ACACB: variants seen among roughly 807,000 people sequenced by gnomAD.
ACACB encodes the protein acetyl-CoA carboxylase beta.
ACACB carries 209 observed loss-of-function variants against 278.8 expected under a neutral mutation model. That is an observed-to-expected ratio of 0.75 (90% confidence interval 0.67 to 0.84). The LOEUF (loss-of-function observed/expected upper bound fraction) is 0.84, where lower values mean the gene tolerates loss of function less well. Among genes scored for constraint, ACACB ranks in the 40% least tolerant of loss-of-function variants. ACACB has a pLI of 0.00. For missense variants in ACACB, 2,850 were observed against 3,269.0 expected, an observed-to-expected ratio of 0.87 and a Z score of 3.13; for synonymous variants, 1,174 against 1,285.6, an observed-to-expected ratio of 0.91 and a Z score of 1.86.
chr12:109,262,984 T>TATATATA (rs1593741001), intron 49 of ACACB: 21 of 32,130 alleles, frequency 6.5e-4, no homozygotes, highest in African/African-American at 1.1e-3. Flanking sequence ...ATATATATAT[T>TATATATA]GCCATCGTGA....
chr12:109,203,331 A>T (rs993650189), intron 19 of ACACB, among the ~76,000 whole-genome samples: 1 of 152,060 alleles, frequency 6.6e-6, no homozygotes, highest in African/African-American at 2.4e-5. Context: ...TGAGTGTACG[A>T]TTTTCTTAGT....
chr12:109,177,736 G>T (rs1326481065), intron 9 of ACACB, among the ~76,000 whole-genome samples: 1 of 152,168 alleles, frequency 6.6e-6, no homozygotes, highest in Non-Finnish European at 1.5e-5. Flanking sequence ...AGACTAGATT[G>T]AATTTCATCT....
chr12:109,247,196 T>C (rs1469082706), intron 39 of ACACB, among the ~76,000 whole-genome samples: 3 of 151,438 alleles, frequency 2.0e-5, no homozygotes, highest in Admixed American at 1.3e-4. Flanking sequence ...GGGACAGTCA[T>C]CCTTTCCATT....
chr12:109,236,744 AT>A (rs58888610), intron 33 of ACACB, among the ~76,000 whole-genome samples: 2,119 of 148,480 alleles, frequency 0.014, 64 homozygotes, highest in African/African-American at 0.048. Flanking sequence ...TAATGTCTTC[AT>A]TTTTTTTTTC....
In ACACB at chr12:109,139,844, C is replaced by T; in HGVS notation, c.439C>T (p.Pro147Ser). ...GCCCCAGGGCCAGCAAGCTGGCTCC[C>T]CCTCCAAAGAAGACAAGAAGCAGGC... ...ARPQGQQAGS[P>S]SKEDKKQANI... Residue 147 changes from proline (P) to serine (S), a missense_variant, in exon 2 of 53, where the codon CCC (proline) becomes TCC (serine). Physicochemically the swap from Pro to Ser is moderately conservative, Grantham distance 74. Coordinates refer to ENST00000338432, the MANE Select transcript of ACACB (RefSeq NM_001093.4). 1 of 1,614,148 alleles carries T rather than the reference C, an allele frequency of 6.2e-7. No individual in the cohort carries two copies. Among genetic ancestry groups the T allele is most frequent in the South Asian group, 1.1e-5 (1 of 91,068 alleles).
chr12:109,145,984 G>A (rs1327677870), intron 2 of ACACB, among the ~76,000 whole-genome samples: 1 of 152,124 alleles, frequency 6.6e-6, no homozygotes, highest in Admixed American at 6.6e-5. Context: ...ACTCCAGCCT[G>A]GGCAACAGAG....
In ACACB at chr12:109,266,233, C is replaced by T; in HGVS notation, c.7251-3C>T. 6.2e-7 allele frequency: 1 copy of T among 1,612,322 alleles called. No individual in the cohort carries two copies. Among genetic ancestry groups the T allele is most frequent in the Non-Finnish European group, 8.5e-7 (1 of 1,179,258 alleles). ...CCCAGCCCTCCTCTCACCTCCCCCACAGCCTGGTTGAAGAAAACCCCGAGG... is the reference window on the plus strand; with the variant it reads ...CCCAGCCCTCCTCTCACCTCCCCCATAGCCTGGTTGAAGAAAACCCCGAGG... On this transcript the variant is annotated splice_region_variant and splice_polypyrimidine_tract_variant and intron_variant, in intron 52 of 52. Coordinates refer to ENST00000338432, the MANE Select transcript of ACACB (RefSeq NM_001093.4).
chr12:109,233,969 A>G lies in ACACB; in HGVS notation c.4271A>G (p.Asn1424Ser). 6.2e-7 allele frequency: 1 copy of G among 1,614,090 alleles called. No homozygotes were observed. Among genetic ancestry groups the G allele is most frequent in the Non-Finnish European group, 8.5e-7 (1 of 1,180,014 alleles). ...SLREEPIHIL[N>S]VSIQCADHLE... ...AGAGAAGAGCCCATCCACATTCTGAATGTGTCCATCCAGTGTGCAGACCAC... is the reference window on the plus strand; with the variant it reads ...AGAGAAGAGCCCATCCACATTCTGAGTGTGTCCATCCAGTGTGCAGACCAC... The change falls in exon 31 of 53, where the codon AAT (asparagine) becomes AGT (serine). Residue 1424 changes from asparagine to serine, a missense_variant. Transcript: ENST00000338432.
Position 109,199,555 on chromosome 12 carries a change from G to A in ACACB, c.2778+3G>A, listed in dbSNP as rs188674059. Reference sequence around the variant, plus strand: ...GGAGCAGCTACGCTGAGATGGAGGTGACTGCAGAGCCGGCCGTGGGGAATC... The same window carrying A: ...GGAGCAGCTACGCTGAGATGGAGGTAACTGCAGAGCCGGCCGTGGGGAATC... On this transcript the variant is annotated splice_donor_region_variant and intron_variant, in intron 18 of 52. Coordinates refer to ENST00000338432, the MANE Select transcript of ACACB (RefSeq NM_001093.4). 2.1e-4 allele frequency: 309 copies of A among 1,462,022 alleles called. No homozygotes were observed. Among genetic ancestry groups the A allele is most frequent in the Non-Finnish European group, 2.5e-4 (270 of 1,100,018 alleles). 90.6% of individuals were successfully genotyped at this position (1,462,022 alleles called of 1,614,324 possible).
chr12:109,156,273 T>G (rs1042850583), intron 2 of ACACB, among the ~76,000 whole-genome samples: 7 of 151,520 alleles, frequency 4.6e-5, no homozygotes, highest in Non-Finnish European at 1.0e-4. Context: ...CTCATGCCTG[T>G]AATCCTAGCG....
In ACACB at chr12:109,258,490, C is replaced by T. The variant is rs530130607; in HGVS notation, c.6360+126C>T. On this transcript the variant is annotated intron_variant, in intron 46 of 52. Coordinates refer to ENST00000338432, the MANE Select transcript of ACACB (RefSeq NM_001093.4). ...GAGAAGCAGGGGACCCAGTGCAGTCCCTGGCCCTGGGGGGCTCAGTGCCTG... is the reference window on the plus strand; with the variant it reads ...GAGAAGCAGGGGACCCAGTGCAGTCTCTGGCCCTGGGGGGCTCAGTGCCTG... The T allele has an allele frequency of 1.3e-5, 9 of 710,922 alleles. No homozygotes were observed. The South Asian group carries it at 1.6e-4, about 13-fold the overall frequency. 44.0% of individuals were successfully genotyped at this position (710,922 alleles called of 1,614,324 possible).
At chr12:109,235,948 A>G (rs557796003) in intron 33 of ACACB, 4 of 330,216 alleles carry the variant, frequency 1.2e-5, no homozygotes, top group South Asian at 4.7e-5. Flanking sequence ...TCAGTGAGCC[A>G]AGGTGATTCC....
In ACACB at chr12:109,258,987, A is replaced by G; in HGVS notation, c.6375A>G (p.Ala2125=). ...CTGTGTTCCAGATAATTCAGCAGGC[A>G]GGACAGGTGTGGTTCCCAGACTCAG... ...LDSEAKIIQQ[A]GQVWFPDSAY... Residue 2125 remains alanine (A), a synonymous_variant, in exon 47 of 53, where the codon GCA becomes GCG. Transcript: ENST00000338432. The G allele has an allele frequency of 6.2e-7, 1 of 1,614,198 alleles. No individual in the cohort carries two copies. The highest frequency in any genetic ancestry group is 8.5e-7 in the Non-Finnish European group (1 of 1,180,016).
intron 1 of ACACB, among the ~76,000 whole-genome samples, chr12:109,129,614 A>T (rs994953578): frequency 6.6e-6 from 1 of 152,236 alleles, no homozygotes; most frequent in Non-Finnish European, 1.5e-5. Context: ...CAGGGAACAG[A>T]TAGGATGTTA....
intron 19 of ACACB, 60 bp from the exon 20 acceptor site, chr12:109,206,650 C>T (rs1041903593): frequency 3.7e-6 from 6 of 1,601,294 alleles, no homozygotes; most frequent in East Asian, 2.2e-5. Context: ...CCGTTCTGCC[C>T]GGTCCCATTT....
intron 2 of ACACB, among the ~76,000 whole-genome samples, chr12:109,145,373 G>A: frequency 6.6e-6 from 1 of 152,152 alleles, no homozygotes; most frequent in East Asian, 1.9e-4. Context: ...ATTCCCAGTG[G>A]TGAAGCCTGG....
Position 109,126,118 on chromosome 12 carries a change from C to CGA in ACACB, c.-10+9414_-10+9415insGA, listed in dbSNP as rs1426640984. ...TGAAGAAGGCAAATTCACAGCACAGCAGGGGGAGAAGCGAAGAAGGATAGG... is the reference window on the plus strand; with the variant it reads ...TGAAGAAGGCAAATTCACAGCACAGCGAAGGGGGAGAAGCGAAGAAGGATAGG... On this transcript the variant is annotated intron_variant, in intron 1 of 52. Transcript: ENST00000338432. Among the ~76,000 whole-genome samples, 7 of 152,202 alleles carry CGA rather than the reference C, an allele frequency of 4.6e-5. No homozygotes were observed. In the South Asian group the frequency reaches 8.3e-4, roughly 18 times the overall value.
intron 21 of ACACB, among the ~76,000 whole-genome samples, chr12:109,210,268 T>TATATATACAC (rs2045748285): frequency 1.1e-4 from 1 of 8,822 alleles, no homozygotes; most frequent in Non-Finnish European, 2.5e-4. Flanking sequence ...TGTGTATATG[T>TATATATACAC]ACATATACAC....
At chr12:109,210,222 T>TATGTATATATACACACAC (rs2045729585) in intron 21 of ACACB, among the ~76,000 whole-genome samples, 2 of 11,576 alleles carry the variant, frequency 1.7e-4, no homozygotes, top group Non-Finnish European at 2.7e-4. Flanking sequence ...TATACACACA[T>TATGTATATATACACACAC]GTGTGTATAT....
Sources: allele counts gnomAD v4.1 joint callset (sites outside exome capture counted in the v4.1 genomes callset), GRCh38; gene constraint gnomAD v4.1.1; transcripts MANE v1.5; gene names NCBI Gene and HGNC (gene_info 2026-07-23, HGNC 2026-07-21).